FHIT: variants seen among roughly 807,000 people sequenced by gnomAD.
The protein encoded by FHIT is fragile histidine triad diadenosine triphosphatase, also known as bis(5'-adenosyl)-triphosphatase.
FHIT carries 19 observed loss-of-function variants against 17.9 expected under a neutral mutation model. The observed-to-expected ratio is 1.06, with a 90% CI of 0.74 to 1.56. FHIT has a LOEUF of 1.56. Ranked by LOEUF, FHIT falls within the 40% of genes most tolerant of loss-of-function variation. FHIT has a pLI of 0.00. For synonymous variants in FHIT, 81 were observed against 69.7 expected (o/e 1.16, Z -0.81); for missense variants, 248 against 189.2 (o/e 1.31, Z -1.82).
At position 59,963,027 on chromosome 3, in the gene FHIT, G is replaced by A. The variant is rs180931186; in HGVS notation, c.280-40613C>T. 3.6e-4 allele frequency among the ~76,000 whole-genome samples: 55 copies of A among 152,280 alleles called. 1 individual carries two copies. Among genetic ancestry groups the A allele is most frequent in the Admixed American group, 2.7e-3 (42 of 15,280 alleles). Reference sequence around the variant, plus strand: ...TCCCAGCACTTTGGGAGGCCAAAGCGGGCAGATCACGAGGTCAGGAGATAC... The same window carrying A: ...TCCCAGCACTTTGGGAGGCCAAAGCAGGCAGATCACGAGGTCAGGAGATAC... On this transcript the variant is annotated intron_variant, in intron 7 of 9. Coordinates refer to ENST00000492590, the MANE Select transcript of FHIT (RefSeq NM_002012.4).
At chr3:59,876,359 A>G (rs181123242) in intron 8 of FHIT, among the ~76,000 whole-genome samples, 27 of 152,316 alleles carry the variant, frequency 1.8e-4, no homozygotes, top group African/African-American at 6.0e-4. Flanking sequence ...GTGTTTGATA[A>G]GCTACATTAT....
chr3:60,549,194 G>A (rs1471343635), intron 4 of FHIT, among the ~76,000 whole-genome samples: 4 of 152,072 alleles, frequency 2.6e-5, no homozygotes, highest in African/African-American at 9.7e-5. Flanking sequence ...CACAAAAATG[G>A]TATGTAATGG....
chr3:60,884,807 A>T (rs1424313197), intron 3 of FHIT, among the ~76,000 whole-genome samples: 4 of 151,470 alleles, frequency 2.6e-5, no homozygotes, highest in Admixed American at 1.3e-4. Context: ...TGGAAGACCA[A>T]AGTGGGAAGA....
intron 5 of FHIT, among the ~76,000 whole-genome samples, chr3:60,337,882 A>C (rs554628008): frequency 6.6e-6 from 1 of 152,318 alleles, no homozygotes; most frequent in Non-Finnish European, 1.5e-5. Context: ...GGGTACAATC[A>C]AACTCAGGAA....
chr3:59,971,846 A>C (rs1276428834), intron 7 of FHIT, among the ~76,000 whole-genome samples: 7 of 152,164 alleles, frequency 4.6e-5, no homozygotes, highest in Non-Finnish European at 5.9e-5. Context: ...GAGTTACCAC[A>C]GGGTGTGGCA....
chr3:60,976,798 T>C (rs1490792973), intron 3 of FHIT, among the ~76,000 whole-genome samples: 1 of 152,208 alleles, frequency 6.6e-6, no homozygotes, highest in Non-Finnish European at 1.5e-5. Context: ...AATATTTTCT[T>C]TTACCATGGA....
intron 5 of FHIT, among the ~76,000 whole-genome samples, chr3:60,270,239 C>G (rs1261727768): frequency 1.3e-5 from 2 of 152,182 alleles, no homozygotes; most frequent in African/African-American, 2.4e-5. Context: ...AGCACAGACT[C>G]CGACCACAAC....
chr3:60,643,585 T>A (rs1325075108), intron 4 of FHIT, among the ~76,000 whole-genome samples: 18 of 152,178 alleles, frequency 1.2e-4, no homozygotes, highest in Admixed American at 1.2e-3. Flanking sequence ...TAAAACCAAG[T>A]TACTTGCATT....
At chr3:60,435,810 C>T (rs2030173533) in intron 5 of FHIT, among the ~76,000 whole-genome samples, 1 of 152,050 alleles carries the variant, frequency 6.6e-6, no homozygotes, top group Non-Finnish European at 1.5e-5. Context: ...TCCTCTCACA[C>T]TCCGTGTTCT....
At chr3:61,067,952 T>C (rs1428770332) in intron 2 of FHIT, among the ~76,000 whole-genome samples, 2 of 152,196 alleles carry the variant, frequency 1.3e-5, no homozygotes, top group African/African-American at 4.8e-5. Context: ...GGGAATTCTA[T>C]TATTGTATAA....
chr3:59,899,399 T>A (rs1304513663), intron 8 of FHIT, among the ~76,000 whole-genome samples: 2 of 152,190 alleles, frequency 1.3e-5, no homozygotes, highest in Non-Finnish European at 2.9e-5. Flanking sequence ...TGGCTTTTGC[T>A]AGCACCCACC....
chr3:60,061,203 T>C (rs903091909), intron 5 of FHIT, among the ~76,000 whole-genome samples: 1 of 152,210 alleles, frequency 6.6e-6, no homozygotes, highest in African/African-American at 2.4e-5. Flanking sequence ...TAAATTTCAA[T>C]GGTTTAAGAG....
chr3:60,434,456 A>G (rs1159473554), intron 5 of FHIT, among the ~76,000 whole-genome samples: 1 of 152,156 alleles, frequency 6.6e-6, no homozygotes, highest in African/African-American at 2.4e-5. Context: ...GCAGGGTTGC[A>G]TAGGGGATAC....
At chr3:60,990,352 C>G (rs2030075128) in intron 3 of FHIT, among the ~76,000 whole-genome samples, 1 of 152,188 alleles carries the variant, frequency 6.6e-6, no homozygotes, top group African/African-American at 2.4e-5. Context: ...CAGCTCGTTA[C>G]TAAAGATATC....
At chr3:60,342,360 T>C (rs544598535) in intron 5 of FHIT, among the ~76,000 whole-genome samples, 2 of 152,364 alleles carry the variant, frequency 1.3e-5, no homozygotes, top group South Asian at 4.1e-4. Context: ...GTGGCAGATA[T>C]AACACAGGGT....
intron 7 of FHIT, among the ~76,000 whole-genome samples, chr3:59,968,730 C>T (rs756264705): frequency 4.6e-5 from 7 of 152,170 alleles, no homozygotes; most frequent in Non-Finnish European, 1.0e-4. Flanking sequence ...TCAGCATGTG[C>T]CAAAGTGTGT....
At chr3:60,223,293 A>T (rs1704045982) in intron 5 of FHIT, among the ~76,000 whole-genome samples, 2 of 152,166 alleles carry the variant, frequency 1.3e-5, no homozygotes. Flanking sequence ...GGACCCAGGT[A>T]CAGGGAGCTT....
At chr3:59,751,154 AT>A (rs1040498988) in intron 9 of FHIT, 1 of 180,100 alleles carries the variant, frequency 5.6e-6, no homozygotes, top group Non-Finnish European at 1.2e-5. Flanking sequence ...TAAACAAGTA[AT>A]TTTTTTAGTC....
chr3:60,531,337 G>A (rs1260905840), intron 5 of FHIT, among the ~76,000 whole-genome samples: 1 of 146,426 alleles, frequency 6.8e-6, no homozygotes. Context: ...GGAGTGCAGT[G>A]GTGCGATCTA....
Sources: allele counts gnomAD v4.1 joint callset (sites outside exome capture counted in the v4.1 genomes callset), GRCh38; gene constraint gnomAD v4.1.1; transcripts MANE v1.5; gene names NCBI Gene and HGNC (gene_info 2026-07-23, HGNC 2026-07-21).